The following FGF13 variants were observed in gnomAD, a reference collection of about 807,000 sequenced individuals.
The protein encoded by FGF13 is fibroblast growth factor 13.
A neutral mutation model predicts 19.5 loss-of-function variants in FGF13; 2 were observed. The observed-to-expected ratio is 0.10, with a 90% CI of 0.04 to 0.32. FGF13 has a LOEUF of 0.32. FGF13 is among the 10% of genes least tolerant of loss of function. The probability of loss-of-function intolerance (pLI) is 1.00; values close to 1 mark genes in which losing one functional copy is unlikely to be tolerated. For missense variants in FGF13, 113 were observed against 192.7 expected (o/e 0.59, Z 2.45); for synonymous variants, 72 against 76.9 (o/e 0.94, Z 0.33).
rs566782628 is a variant in FGF13, at chrX:139,123,948, C to T, written c.-113+79468G>A. Among the ~76,000 whole-genome samples, 15 of 112,295 alleles carry T rather than the reference C, an allele frequency of 1.3e-4. No homozygotes were observed. The South Asian group carries it at 5.6e-3, about 42-fold the overall frequency. On this transcript the variant is annotated intron_variant, in intron 1 of 2. Transcript: ENST00000421460. ...CAAACAATCCTCCTTAACAAGGGGA[C>T]GAGGCACAATTGTTGCCTATATACG...
At chrX:138,893,011 A>G (rs1250239252) in intron 1 of FGF13, among the ~76,000 whole-genome samples, 1 of 110,310 alleles carries the variant, frequency 9.1e-6, no homozygotes, top group Non-Finnish European at 1.9e-5. Flanking sequence ...GATGAAGGTG[A>G]TGTTGTAAGA....
intron 1 of FGF13, among the ~76,000 whole-genome samples, chrX:139,064,282 T>C (rs2092346604): frequency 4.2e-3 from 14 of 3,353 alleles, no homozygotes; most frequent in African/African-American, 0.017. Flanking sequence ...TTTTTTTTTC[T>C]TTTTTTTTTT....
At chrX:138,735,350 C>T (rs1278904126) in intron 1 of FGF13, among the ~76,000 whole-genome samples, 2 of 111,631 alleles carry the variant, frequency 1.8e-5, no homozygotes, top group East Asian at 2.9e-4. Flanking sequence ...TTGTACAAGG[C>T]GAAGTTCCTG....
At chrX:138,772,515 C>A (rs754998545) in intron 3 of FGF13, among the ~76,000 whole-genome samples, 1 of 111,204 alleles carries the variant, frequency 9.0e-6, no homozygotes, top group East Asian at 2.8e-4. Flanking sequence ...GTCTTCATTC[C>A]TTATATATTT....
intron 3 of FGF13, among the ~76,000 whole-genome samples, chrX:138,779,320 A>G (rs958648726): frequency 8.9e-6 from 1 of 112,368 alleles, no homozygotes; most frequent in Admixed American, 9.4e-5. Flanking sequence ...ACGGAGAATG[A>G]CTTTGACGAG....
chrX:138,743,983 C>G (rs143098014), upstream of FGF13, among the ~76,000 whole-genome samples: 1,479 of 111,081 alleles, frequency 0.013, 26 homozygotes, highest in African/African-American at 0.046. Context: ...TCCTCCTCCT[C>G]CTCCATAAAA....
At chrX:138,673,297 G>A (rs1382147789) in intron 3 of FGF13, among the ~76,000 whole-genome samples, 1 of 111,549 alleles carries the variant, frequency 9.0e-6, no homozygotes, top group African/African-American at 3.3e-5. Flanking sequence ...ATGGCTGGAG[G>A]AGGTGGTGTT....
intron 1 of FGF13, among the ~76,000 whole-genome samples, chrX:139,100,978 T>C (rs534003209): frequency 1.8e-5 from 2 of 111,624 alleles, no homozygotes; most frequent in South Asian, 7.9e-4. Flanking sequence ...TGGCTTAGCA[T>C]CTCAAAAAGA....
At chrX:139,001,346 T>G (rs1379021190) in intron 1 of FGF13, among the ~76,000 whole-genome samples, 1 of 111,363 alleles carries the variant, frequency 9.0e-6, no homozygotes, top group East Asian at 2.9e-4. Flanking sequence ...GGGATCTAAT[T>G]AAACTAAAGA....
intron 3 of FGF13, among the ~76,000 whole-genome samples, chrX:138,826,331 T>C (rs1401379520): frequency 7.1e-5 from 8 of 112,050 alleles, no homozygotes; most frequent in African/African-American, 2.6e-4. Context: ...GTCTACAATA[T>C]ACTAATGGCA....
chrX:139,116,298 G>T (rs1258238182), intron 1 of FGF13, among the ~76,000 whole-genome samples: 1 of 111,996 alleles, frequency 8.9e-6, no homozygotes, highest in Non-Finnish European at 1.9e-5. Context: ...TATGACATCA[G>T]GTTTAGTATT....
At position 138,628,566 on chromosome X, in the gene FGF13, G is replaced by A. The variant is rs2089086471; in HGVS notation, c.*4284C>T. The A allele has an allele frequency of 8.9e-6, 1 of 112,392 alleles. No individual in the cohort carries two copies. Among genetic ancestry groups the A allele is most frequent in the Admixed American group, 9.4e-5 (1 of 10,632 alleles). The allele number at this position is 112,392 out of a possible 1,213,427, so 9.3% of individuals were successfully genotyped here. A position where few individuals can be genotyped will look rare whatever the true frequency, so the allele number is the denominator to read the frequency against. On this transcript the variant is annotated 3_prime_UTR_variant, in exon 5 of 5. Coordinates refer to ENST00000315930, the MANE Select transcript of FGF13 (RefSeq NM_004114.5). ...CCCATGAATGACATCGCATCTAAATGAGGCTTCTAAGACACATTCGTATGA... is the reference window on the plus strand; with the variant it reads ...CCCATGAATGACATCGCATCTAAATAAGGCTTCTAAGACACATTCGTATGA...
chrX:139,072,381 C>T (rs1266854372), intron 1 of FGF13, among the ~76,000 whole-genome samples: 1 of 111,135 alleles, frequency 9.0e-6, no homozygotes, highest in Non-Finnish European at 1.9e-5. Flanking sequence ...TTACCAGACA[C>T]CCTCTCTGAT....
chrX:138,824,233 G>A (rs779778489), intron 3 of FGF13, among the ~76,000 whole-genome samples: 1 of 112,143 alleles, frequency 8.9e-6, no homozygotes, highest in African/African-American at 3.2e-5. Flanking sequence ...GTGCAGAAGA[G>A]GGAAGCTAAG....
At chrX:138,953,345 G>A (rs933650082) in intron 1 of FGF13, among the ~76,000 whole-genome samples, 13 of 110,291 alleles carry the variant, frequency 1.2e-4, no homozygotes, top group Non-Finnish European at 1.7e-4. Flanking sequence ...ACCAAACACC[G>A]CCTGTTCTGA....
intron 3 of FGF13, among the ~76,000 whole-genome samples, chrX:138,757,156 G>C (rs1323221703): frequency 9.0e-6 from 1 of 110,610 alleles, no homozygotes; most frequent in Non-Finnish European, 1.9e-5. Flanking sequence ...CATGCTGCCT[G>C]AGGAACATAC....
intron 3 of FGF13, among the ~76,000 whole-genome samples, chrX:138,789,660 G>T (rs1300192985): frequency 9.1e-6 from 1 of 110,197 alleles, no homozygotes; most frequent in Non-Finnish European, 1.9e-5. Flanking sequence ...CACATTTTAG[G>T]TATTTATTGT....
At chrX:138,831,655 CCTTG>C (rs1305818345) in intron 3 of FGF13, among the ~76,000 whole-genome samples, 2 of 110,587 alleles carry the variant, frequency 1.8e-5, no homozygotes, top group African/African-American at 6.6e-5. Context: ...GTTATTTTTT[CCTTG>C]CTATTCCATT....
chrX:138,873,589 T>C (rs775331731), intron 1 of FGF13, among the ~76,000 whole-genome samples: 8 of 111,599 alleles, frequency 7.2e-5, no homozygotes, highest in African/African-American at 2.6e-4. Flanking sequence ...AAATCTTACC[T>C]CCCTGTCTTT....
Sources: allele counts gnomAD v4.1 joint callset (sites outside exome capture counted in the v4.1 genomes callset), GRCh38; gene constraint gnomAD v4.1.1; transcripts MANE v1.5; gene names NCBI Gene and HGNC (gene_info 2026-07-23, HGNC 2026-07-21).